Variants in SKAP2 observed in about 807,000 individuals in gnomAD.
The protein encoded by SKAP2 is src kinase associated phosphoprotein 2.
SKAP2 carries 28 observed loss-of-function variants against 54.9 expected under a neutral mutation model. The observed-to-expected ratio is 0.51, with a 90% CI of 0.38 to 0.70. SKAP2 has a LOEUF of 0.70. SKAP2 is among the 30% of genes least tolerant of loss of function. The pLI, the probability that SKAP2 is intolerant of heterozygous loss-of-function variation, is 0.00. For missense variants in SKAP2, 356 were observed against 424.1 expected (o/e 0.84, Z 1.41); for synonymous variants, 137 against 134.3 (o/e 1.02, Z -0.14).
intron 11 of SKAP2, among the ~76,000 whole-genome samples, chr7:26,676,706 A>T (rs1786356886): frequency 6.6e-6 from 1 of 152,228 alleles, no homozygotes; most frequent in Non-Finnish European, 1.5e-5. Flanking sequence ...TTTAAGACAC[A>T]GTGTCTACCT....
chr7:26,851,553 C>T (rs907984125), intron 3 of SKAP2, among the ~76,000 whole-genome samples: 10 of 151,868 alleles, frequency 6.6e-5, no homozygotes, highest in Non-Finnish European at 1.2e-4. Context: ...ACATCACACA[C>T]CGGTGCCTGT....
At chr7:26,711,150 A>C (rs1208183862) in intron 9 of SKAP2, among the ~76,000 whole-genome samples, 1 of 152,220 alleles carries the variant, frequency 6.6e-6, no homozygotes, top group Non-Finnish European at 1.5e-5. Context: ...AGAATCAACA[A>C]GGGTATTTTC....
chr7:26,753,772 C>T (rs965840943), intron 4 of SKAP2, among the ~76,000 whole-genome samples: 1 of 152,132 alleles, frequency 6.6e-6, no homozygotes, highest in African/African-American at 2.4e-5. Context: ...GGTACAGCTA[C>T]AGTCCTTGCC....
In SKAP2 at chr7:26,795,656, T is replaced by C. The variant is rs1783760060; in HGVS notation, c.307+48374A>G. Among the ~76,000 whole-genome samples the C allele has an allele frequency of 3.3e-5, 5 of 152,226 alleles. No homozygotes were observed. In the South Asian group the frequency reaches 1.0e-3, roughly 32 times the overall value. On this transcript the variant is annotated intron_variant, in intron 4 of 12. Transcript: ENST00000345317. Reference sequence around the variant, plus strand: ...TAAGCCCCTATGTTATATTTAGATTTACTGGGCAACAACCTCATGATCCAG... The same window carrying C: ...TAAGCCCCTATGTTATATTTAGATTCACTGGGCAACAACCTCATGATCCAG...
At chr7:26,759,752 T>C (rs549397434) in intron 4 of SKAP2, among the ~76,000 whole-genome samples, 2 of 152,294 alleles carry the variant, frequency 1.3e-5, no homozygotes, top group South Asian at 4.1e-4. Context: ...TTGATTATTG[T>C]AGAATGCTTA....
chr7:26,740,105 C>A, intron 4 of SKAP2, 141 bp from the exon 5 acceptor site: 1 of 506,140 alleles, frequency 2.0e-6, no homozygotes, highest in Non-Finnish European at 3.5e-6. Flanking sequence ...GTTTCAGATC[C>A]ATTCCCTAGA....
At chr7:26,743,908 G>A (rs1415922820) in intron 4 of SKAP2, among the ~76,000 whole-genome samples, 3 of 152,104 alleles carry the variant, frequency 2.0e-5, no homozygotes, top group African/African-American at 7.2e-5. Flanking sequence ...TAGTTAGGTT[G>A]ATATTTTATT....
At chr7:26,785,478 G>A (rs563526644) in intron 4 of SKAP2, among the ~76,000 whole-genome samples, 3 of 152,224 alleles carry the variant, frequency 2.0e-5, no homozygotes, top group East Asian at 1.9e-4. Flanking sequence ...GAGCCATCGC[G>A]CCCGGCCGAG....
chr7:26,814,122 A>G (rs3823938), intron 4 of SKAP2, among the ~76,000 whole-genome samples: 32,262 of 152,036 alleles, frequency 0.21, 3,483 homozygotes, highest in Non-Finnish European at 0.24. Flanking sequence ...AAATATTTAT[A>G]AGAGTACATT....
chr7:26,809,726 C>T (rs1482589858), intron 4 of SKAP2, among the ~76,000 whole-genome samples: 2 of 152,110 alleles, frequency 1.3e-5, no homozygotes, highest in African/African-American at 4.8e-5. Context: ...AATAGAGCTA[C>T]CATATGATCC....
Position 26,797,632 on chromosome 7 carries a change from T to A in SKAP2, c.307+46398A>T, listed in dbSNP as rs147725702. Among the ~76,000 whole-genome samples the A allele has an allele frequency of 1.6e-3, 247 of 152,138 alleles. 1 individual carries two copies. The highest frequency in any genetic ancestry group is 5.6e-3 in the African/African-American group (233 of 41,532). On this transcript the variant is annotated intron_variant, in intron 4 of 12. Coordinates refer to ENST00000345317, the MANE Select transcript of SKAP2 (RefSeq NM_003930.5). ...TGGCCAGATACTGAAGAACATCTAC[T>A]AGCACCAACACCATCCAGGAAAACA...
intron 4 of SKAP2, among the ~76,000 whole-genome samples, chr7:26,742,724 C>A (rs552660425): frequency 7.8e-6 from 1 of 127,448 alleles, no homozygotes; most frequent in African/African-American, 2.6e-5. Flanking sequence ...CATATGAATT[C>A]TTTAAAACAC....
chr7:26,676,292 C>T (rs993191361), intron 11 of SKAP2, among the ~76,000 whole-genome samples: 1 of 152,106 alleles, frequency 6.6e-6, no homozygotes, highest in African/African-American at 2.4e-5. Context: ...TCTAGAAATT[C>T]ATGTAAGAAT....
At chr7:26,718,931 C>T (rs1227301040) in intron 9 of SKAP2, among the ~76,000 whole-genome samples, 1 of 152,112 alleles carries the variant, frequency 6.6e-6, no homozygotes, top group Non-Finnish European at 1.5e-5. Flanking sequence ...GTAATCCCAG[C>T]ACTTTGGGAG....
intron 4 of SKAP2, among the ~76,000 whole-genome samples, chr7:26,837,656 T>C (rs890545864): frequency 7.9e-5 from 12 of 152,132 alleles, no homozygotes; most frequent in African/African-American, 4.8e-5. Context: ...CAATTCAACA[T>C]GTGATTTGGG....
At chr7:26,739,177 AT>A (rs1275485165) in intron 5 of SKAP2, among the ~76,000 whole-genome samples, 3 of 152,284 alleles carry the variant, frequency 2.0e-5, no homozygotes, top group East Asian at 3.9e-4. Flanking sequence ...TCTGGGTCTC[AT>A]TTTCTCATCT....
chr7:26,684,601 G>T, intron 11 of SKAP2, 135 bp downstream of exon 11: 1 of 595,420 alleles, frequency 1.7e-6, no homozygotes. Flanking sequence ...ATTAATTATT[G>T]TGAACTCCCA....
intron 4 of SKAP2, among the ~76,000 whole-genome samples, chr7:26,802,490 C>T (rs754829151): frequency 1.1e-4 from 17 of 151,994 alleles, no homozygotes; most frequent in Non-Finnish European, 2.1e-4. Flanking sequence ...AGGCTGGTCT[C>T]GAGCTCCCGA....
intron 4 of SKAP2, among the ~76,000 whole-genome samples, chr7:26,833,764 A>G (rs1227886337): frequency 6.6e-6 from 1 of 151,486 alleles, no homozygotes; most frequent in Non-Finnish European, 1.5e-5. Context: ...CTCCCACACA[A>G]TGATACCGGT....
Sources: gnomAD v4.1 joint callset for allele counts (sites outside exome capture counted in the v4.1 genomes callset) on GRCh38, gnomAD v4.1.1 for gene constraint, MANE v1.5 for transcripts, NCBI Gene and HGNC (gene_info 2026-07-23, HGNC 2026-07-21) for gene names.